ARHGAP26: variants seen among roughly 807,000 people sequenced by gnomAD.
The protein encoded by ARHGAP26 is Rho GTPase activating protein 26, also known as rho GTPase-activating protein 26.
A neutral mutation model predicts 104.8 loss-of-function variants in ARHGAP26; 38 were observed. The ratio of observed to expected loss-of-function variants is 0.36; its 90% CI spans 0.28 to 0.48. The LOEUF (loss-of-function observed/expected upper bound fraction) is 0.48. Among genes scored for constraint, ARHGAP26 ranks in the 20% least tolerant of loss-of-function variants. ARHGAP26 has a pLI of 0.99. For synonymous variants in ARHGAP26, 341 were observed against 340.0 expected, an observed-to-expected ratio of 1.00 and a Z score of -0.03; for missense variants, 704 against 947.9, an observed-to-expected ratio of 0.74 and a Z score of 3.38.
chr5:142,980,352 CTTTATTTTATTTTAT>C lies in ARHGAP26; in HGVS notation c.1108-33689_1108-33675del, dbSNP rs35267021. Among the ~76,000 whole-genome samples the C allele has an allele frequency of 2.3e-3, 298 of 131,532 alleles. 1 individual carries two copies. The highest frequency in any genetic ancestry group is 6.9e-3 in the African/African-American group (240 of 34,634). The allele number at this position is 131,532 out of a possible 152,430, so 86.3% of individuals were successfully genotyped here. A position where few individuals can be genotyped will look rare whatever the true frequency, so the allele number is the denominator to read the frequency against. ...TATTGTGCATAAAGCCTCTAGGAAC[CTTTATTTTATTTTAT>C]TTTATTTTATTTTATTTTATTTTAT... On this transcript the variant is annotated intron_variant, in intron 11 of 22. Transcript: ENST00000645722.
At chr5:142,891,735 T>A (rs1758693245) in intron 5 of ARHGAP26, among the ~76,000 whole-genome samples, 1 of 151,942 alleles carries the variant, frequency 6.6e-6, no homozygotes, top group South Asian at 2.1e-4. Flanking sequence ...TAGTAAAGGG[T>A]GTTATAGAAC....
Position 143,220,393 on chromosome 5 carries a change from G to C in ARHGAP26, c.2192-1965G>C, listed in dbSNP as rs116115299. The stretch of plus-strand genomic sequence containing the variant: ...ACTGACTAGCCTGTACTGAGCATTT[G>C]CTCTGTGCCTGGCTCTGTGCCGAGT... On this transcript the variant is annotated intron_variant, in intron 22 of 22. Coordinates refer to ENST00000645722, the MANE Select transcript of ARHGAP26 (RefSeq NM_001135608.3). Among the ~76,000 whole-genome samples, 723 of 152,326 alleles carry C rather than the reference G, an allele frequency of 4.7e-3. 4 individuals carry two copies. The highest frequency in any genetic ancestry group is 0.017 in the African/African-American group (690 of 41,562).
intron 12 of ARHGAP26, among the ~76,000 whole-genome samples, chr5:143,026,082 A>T (rs974320758): frequency 6.6e-6 from 1 of 152,136 alleles, no homozygotes; most frequent in African/African-American, 2.4e-5. Context: ...TGTTTGTCTC[A>T]TGCTTCCCAC....
intron 10 of ARHGAP26, among the ~76,000 whole-genome samples, chr5:142,920,034 C>T (rs114398359): frequency 0.019 from 2,835 of 152,204 alleles, 40 homozygotes; most frequent in Non-Finnish European, 0.028. Flanking sequence ...TTTTTTTATT[C>T]TTTAATGAAG....
At chr5:143,172,999 A>C (rs1037619099) in intron 20 of ARHGAP26, 3 of 180,854 alleles carry the variant, frequency 1.7e-5, no homozygotes, top group Non-Finnish European at 3.5e-5. Context: ...TGTCTACGGC[A>C]TGCCAGGATA....
rs7721863 is a variant in ARHGAP26, at chr5:143,138,567, A to G, written c.1837+4462A>G. Among the ~76,000 whole-genome samples, 774 of 152,302 alleles carry G rather than the reference A, an allele frequency of 5.1e-3. 2 individuals are homozygous for G. Among genetic ancestry groups the G allele is most frequent in the African/African-American group, 0.018 (742 of 41,562 alleles). The stretch of plus-strand genomic sequence containing the variant: ...GAAGGGTCCCATTCTGGCCCAATAG[A>G]TAGGAACGGTGGTCTGTGATGGGAG... On this transcript the variant is annotated intron_variant, in intron 19 of 22. Coordinates refer to ENST00000645722, the MANE Select transcript of ARHGAP26 (RefSeq NM_001135608.3).
intron 17 of ARHGAP26, among the ~76,000 whole-genome samples, chr5:143,064,165 C>G (rs1285438456): frequency 1.3e-5 from 2 of 152,038 alleles, no homozygotes; most frequent in African/African-American, 4.8e-5. Flanking sequence ...AAGCCACACC[C>G]TATCCCCCAG....
intron 10 of ARHGAP26, among the ~76,000 whole-genome samples, chr5:142,920,807 A>G (rs1160929999): frequency 6.6e-6 from 1 of 152,242 alleles, no homozygotes; most frequent in Non-Finnish European, 1.5e-5. Context: ...CAACTAAGGT[A>G]TAAACACCAG....
intron 10 of ARHGAP26, among the ~76,000 whole-genome samples, chr5:142,924,016 C>T (rs1021055061): frequency 3.9e-5 from 6 of 151,962 alleles, no homozygotes; most frequent in Non-Finnish European, 8.8e-5. Context: ...CGCCTGCCAC[C>T]GCACCTGGCT....
At chr5:142,983,670 A>G (rs1774277003) in intron 11 of ARHGAP26, among the ~76,000 whole-genome samples, 1 of 152,262 alleles carries the variant, frequency 6.6e-6, no homozygotes, top group African/African-American at 2.4e-5. Context: ...AACATAGAGT[A>G]ACAAACAGTA....
At chr5:143,191,177 A>G (rs1396118780) in intron 20 of ARHGAP26, among the ~76,000 whole-genome samples, 3 of 152,234 alleles carry the variant, frequency 2.0e-5, no homozygotes, top group African/African-American at 4.8e-5. Flanking sequence ...ATTTCATGGT[A>G]TATAAATTAT....
Position 142,825,115 on chromosome 5 carries a change from G to C in ARHGAP26, c.155-48285G>C, listed in dbSNP as rs542389846. ...AGTAGAGGCAGCTGTGGAGCATACT[G>C]TTCTCTTGCTGTGCGATCTTGGGCA... On this transcript the variant is annotated intron_variant, in intron 1 of 22. Transcript: ENST00000645722. 1.8e-4 allele frequency among the ~76,000 whole-genome samples: 28 copies of C among 152,328 alleles called. 1 individual carries two copies. The highest frequency in any genetic ancestry group is 6.7e-4 in the African/African-American group (28 of 41,578).
chr5:142,978,915 T>G (rs1773522307), intron 11 of ARHGAP26, among the ~76,000 whole-genome samples: 1 of 152,170 alleles, frequency 6.6e-6, no homozygotes, highest in Non-Finnish European at 1.5e-5. Flanking sequence ...ATTAAAGCAT[T>G]GCTGATTCAT....
At chr5:142,789,060 A>G (rs1299865466) in intron 1 of ARHGAP26, among the ~76,000 whole-genome samples, 2 of 152,206 alleles carry the variant, frequency 1.3e-5, no homozygotes, top group South Asian at 2.1e-4. Flanking sequence ...GCGTGGAACT[A>G]TTGTTATACT....
intron 11 of ARHGAP26, among the ~76,000 whole-genome samples, chr5:143,013,055 C>T (rs1779112579): frequency 6.6e-6 from 1 of 152,104 alleles, no homozygotes; most frequent in South Asian, 2.1e-4. Flanking sequence ...AGCCCACCAC[C>T]TTCTTTTGTA....
At chr5:143,087,636 C>CTTTTT (rs35201189) in intron 17 of ARHGAP26, among the ~76,000 whole-genome samples, 2,487 of 51,534 alleles carry the variant, frequency 0.048, 908 homozygotes, top group Admixed American at 0.058. Context: ...CTGGCCCATT[C>CTTTTT]TTTTTTTTTT....
intron 1 of ARHGAP26, among the ~76,000 whole-genome samples, chr5:142,792,234 A>G (rs1389581034): frequency 5.9e-5 from 9 of 152,174 alleles, no homozygotes; most frequent in Admixed American, 5.9e-4. Context: ...CTTTTGCAGG[A>G]TTTAATATCA....
intron 17 of ARHGAP26, 167 bp downstream of exon 17, chr5:143,057,914 C>T (rs756730549): frequency 1.4e-6 from 1 of 721,828 alleles, no homozygotes; most frequent in South Asian, 1.5e-5. Flanking sequence ...TGGAGAACAG[C>T]AGCAAATGCC....
Position 143,206,997 on chromosome 5 carries a change from C to T in ARHGAP26, c.1989-201C>T, listed in dbSNP as rs545960786. On this transcript the variant is annotated intron_variant, in intron 20 of 22. Transcript: ENST00000645722. ...TGCAGGGCAAAGCCTGTTTATACTC[C>T]GAGGAATTACAGAACAGACGTTTAC... Among the ~76,000 whole-genome samples the T allele has an allele frequency of 5.3e-5, 8 of 152,180 alleles. No homozygotes were observed. In the South Asian group the frequency reaches 1.0e-3, roughly 20 times the overall value.
Sources: gnomAD v4.1 joint callset for allele counts (sites outside exome capture counted in the v4.1 genomes callset) on GRCh38, gnomAD v4.1.1 for gene constraint, MANE v1.5 for transcripts, NCBI Gene and HGNC (gene_info 2026-07-23, HGNC 2026-07-21) for gene names.